Variants in TRPM3 observed in about 807,000 individuals in gnomAD.
TRPM3 encodes transient receptor potential cation channel subfamily M member 3.
Under a neutral mutation model 181.2 loss-of-function variants are expected in TRPM3, and 77 were observed. The observed-to-expected ratio is 0.42, with a 90% CI of 0.35 to 0.51. TRPM3 has a LOEUF of 0.51. Among genes scored for constraint, TRPM3 ranks in the 20% least tolerant of loss-of-function variants. The pLI is 0.01. For synonymous variants in TRPM3, 745 were observed against 796.4 expected, an observed-to-expected ratio of 0.94 and a Z score of 1.09; for missense variants, 1,759 against 2,196.7, an observed-to-expected ratio of 0.80 and a Z score of 3.98.
chr9:70,563,531 C>A (rs538134674), intron 22 of TRPM3, among the ~76,000 whole-genome samples: 4 of 152,180 alleles, frequency 2.6e-5, no homozygotes, highest in African/African-American at 9.7e-5. Flanking sequence ...GCAGATTCCA[C>A]CATTGACCAA....
intron 9 of TRPM3, among the ~76,000 whole-genome samples, chr9:70,657,292 G>GGT (rs2060495375): frequency 6.8e-6 from 1 of 147,540 alleles, no homozygotes; most frequent in Admixed American, 6.7e-5. Context: ...TAAATTGTAA[G>GGT]TTTTTTTTTT....
chr9:71,446,853 C>T (rs889331276), upstream of TRPM3: 2 of 1,530,306 alleles, frequency 1.3e-6, no homozygotes, highest in South Asian at 1.2e-5. Context: ...TCGCCTCCCT[C>T]GGCCGGGAAA....
chr9:70,965,140 C>A (rs1435055717), intron 1 of TRPM3, among the ~76,000 whole-genome samples: 1 of 151,620 alleles, frequency 6.6e-6, no homozygotes, highest in Non-Finnish European at 1.5e-5. Flanking sequence ...TTTTTAAATT[C>A]ACAGTAAAAG....
At chr9:71,259,257 G>A (rs1388542877) in intron 1 of TRPM3, among the ~76,000 whole-genome samples, 2 of 152,200 alleles carry the variant, frequency 1.3e-5, no homozygotes, top group African/African-American at 4.8e-5. Flanking sequence ...GTATTTCACA[G>A]TGTATATGTG....
At chr9:71,194,741 T>C (rs1307489599) in intron 1 of TRPM3, among the ~76,000 whole-genome samples, 2 of 151,870 alleles carry the variant, frequency 1.3e-5, no homozygotes. Flanking sequence ...CATAAACAAC[T>C]GGTTCCACTA....
At chr9:70,694,144 T>G (rs2069452201) in intron 8 of TRPM3, among the ~76,000 whole-genome samples, 1 of 152,192 alleles carries the variant, frequency 6.6e-6, no homozygotes, top group Admixed American at 6.5e-5. Context: ...CATTTCAGCC[T>G]GTGTCACTGG....
chr9:70,617,924 C>G (rs1384264156), intron 17 of TRPM3, among the ~76,000 whole-genome samples: 1 of 152,112 alleles, frequency 6.6e-6, no homozygotes, highest in African/African-American at 2.4e-5. Context: ...AAGATCACAC[C>G]ACTGCACTCC....
At chr9:70,818,909 G>A (rs138511731) in intron 6 of TRPM3, among the ~76,000 whole-genome samples, 6 of 152,216 alleles carry the variant, frequency 3.9e-5, no homozygotes, top group East Asian at 1.9e-4. Flanking sequence ...GCTGATGTCC[G>A]GCTTGCTGTG....
intron 1 of TRPM3, among the ~76,000 whole-genome samples, chr9:70,867,139 C>T (rs79009487): frequency 9.0e-4 from 137 of 152,070 alleles, no homozygotes; most frequent in Admixed American, 2.8e-3. Context: ...TCCCCACATG[C>T]GCAGGAATGA....
intron 1 of TRPM3, among the ~76,000 whole-genome samples, chr9:71,285,472 T>C (rs1427975585): frequency 6.6e-6 from 1 of 152,208 alleles, no homozygotes; most frequent in South Asian, 2.1e-4. Flanking sequence ...GCTCGAACTG[T>C]TGCCATCGAG....
chr9:71,045,980 T>C (rs1167815634), intron 1 of TRPM3, among the ~76,000 whole-genome samples: 1 of 148,570 alleles, frequency 6.7e-6, no homozygotes, highest in African/African-American at 2.4e-5. Context: ...GCCAGTGGTA[T>C]TGCCTACACT....
At chr9:71,165,532 C>T (rs1472925082) in intron 1 of TRPM3, among the ~76,000 whole-genome samples, 2 of 152,060 alleles carry the variant, frequency 1.3e-5, no homozygotes, top group African/African-American at 4.8e-5. Context: ...GGTATAACAA[C>T]GTGCCACCAG....
At chr9:71,227,895 T>G (rs146925343) in intron 1 of TRPM3, among the ~76,000 whole-genome samples, 28 of 152,234 alleles carry the variant, frequency 1.8e-4, no homozygotes, top group African/African-American at 5.1e-4. Flanking sequence ...ACTACTGAAT[T>G]CTACCAAACA....
At chr9:71,136,664 CAG>C (rs1268878810) in intron 1 of TRPM3, among the ~76,000 whole-genome samples, 9 of 152,102 alleles carry the variant, frequency 5.9e-5, no homozygotes, top group African/African-American at 2.2e-4. Flanking sequence ...CCGGTCCAGA[CAG>C]AGAGATGCAA....
chr9:71,214,729 C>A (rs906098691), intron 1 of TRPM3, among the ~76,000 whole-genome samples: 1 of 152,108 alleles, frequency 6.6e-6, no homozygotes, highest in Non-Finnish European at 1.5e-5. Flanking sequence ...ACCCTGCATT[C>A]CAACCACATG....
intron 1 of TRPM3, among the ~76,000 whole-genome samples, chr9:71,282,109 A>AG (rs1221745886): frequency 1.3e-4 from 19 of 148,290 alleles, no homozygotes; most frequent in Non-Finnish European, 2.1e-4. Context: ...AAGAAAAGAA[A>AG]GAAAGAAAAA....
chr9:70,610,553 T>C, intron 19 of TRPM3, 56 bp downstream of exon 19: 1 of 1,581,278 alleles, frequency 6.3e-7, no homozygotes, highest in Non-Finnish European at 8.6e-7. Flanking sequence ...GCATGAGAAA[T>C]GGACGTTGGC....
chr9:71,121,144 A>C, intron 1 of TRPM3, 34 bp downstream of exon 1: 20 of 1,600,432 alleles, frequency 1.2e-5, no homozygotes, highest in Non-Finnish European at 1.7e-5. Context: ...TAAAAAGCAC[A>C]ATTAGCGCCA....
intron 1 of TRPM3, among the ~76,000 whole-genome samples, chr9:71,013,375 C>T (rs531096865): frequency 2.0e-4 from 30 of 151,984 alleles, no homozygotes; most frequent in African/African-American, 6.0e-4. Context: ...ATATATGAGA[C>T]CAGGTTAATG....
Sources: gnomAD v4.1 joint callset for allele counts (sites outside exome capture counted in the v4.1 genomes callset) on GRCh38, gnomAD v4.1.1 for gene constraint, MANE v1.5 for transcripts, NCBI Gene and HGNC (gene_info 2026-07-23, HGNC 2026-07-21) for gene names.